GALNTL6: variants seen among roughly 807,000 people sequenced by gnomAD.
GALNTL6 encodes polypeptide N-acetylgalactosaminyltransferase like 6.
GALNTL6 carries 46 observed loss-of-function variants against 73.7 expected under a neutral mutation model. The observed-to-expected ratio is 0.62, with a 90% confidence interval of 0.49 to 0.80. The LOEUF (loss-of-function observed/expected upper bound fraction) is 0.80. Among genes scored for constraint, GALNTL6 ranks in the 30% least tolerant of loss-of-function variants. The pLI is 0.00. For missense variants in GALNTL6, 604 were observed against 755.0 expected, an observed-to-expected ratio of 0.80 and a Z score of 2.34; for synonymous variants, 259 against 263.7, an observed-to-expected ratio of 0.98 and a Z score of 0.17.
At chr4:172,145,200 C>T (rs1490646164) in intron 2 of GALNTL6, among the ~76,000 whole-genome samples, 1 of 151,888 alleles carries the variant, frequency 6.6e-6, no homozygotes, top group Admixed American at 6.6e-5. Context: ...AGTGCAGTGG[C>T]GAGATCTCTG....
chr4:171,838,532 GC>G (rs1469228754), intron 2 of GALNTL6, among the ~76,000 whole-genome samples: 1 of 152,092 alleles, frequency 6.6e-6, no homozygotes, highest in East Asian at 1.9e-4. Context: ...AGTGCCAAGA[GC>G]CTCATAGATA....
intron 2 of GALNTL6, chr4:171,815,965 T>C: frequency 6.6e-6 from 1 of 152,196 alleles, no homozygotes; most frequent in Admixed American, 6.5e-5. Flanking sequence ...TTTCATTTAG[T>C]TGTTAATATT....
intron 5 of GALNTL6, among the ~76,000 whole-genome samples, chr4:172,402,390 A>G (rs1037450352): frequency 6.6e-5 from 10 of 152,122 alleles, no homozygotes; most frequent in South Asian, 4.1e-4. Context: ...AAATCTCTCA[A>G]TGAGGTCAAT....
chr4:172,386,505 AAGAG>A (rs944170930), intron 5 of GALNTL6, among the ~76,000 whole-genome samples: 3 of 152,038 alleles, frequency 2.0e-5, no homozygotes, highest in African/African-American at 7.2e-5. Context: ...GAGAGCGAGA[AAGAG>A]AGAGAGAGGT....
intron 5 of GALNTL6, among the ~76,000 whole-genome samples, chr4:172,422,222 T>G (rs1731076358): frequency 6.6e-6 from 1 of 152,082 alleles, no homozygotes; most frequent in Admixed American, 6.6e-5. Context: ...GTCTCCAATT[T>G]CTCTTCTGGA....
chr4:172,053,838 A>G (rs1730946356), intron 2 of GALNTL6, among the ~76,000 whole-genome samples: 1 of 152,144 alleles, frequency 6.6e-6, no homozygotes, highest in Admixed American at 6.6e-5. Flanking sequence ...CGAAGGAGGC[A>G]AGACCTTTAA....
intron 5 of GALNTL6, among the ~76,000 whole-genome samples, chr4:172,606,871 T>C (rs1738325334): frequency 6.6e-6 from 1 of 151,396 alleles, no homozygotes; most frequent in South Asian, 2.1e-4. Flanking sequence ...GGAATTTACC[T>C]TGGTCAGCAG....
At position 171,867,698 on chromosome 4, in the gene GALNTL6, G is replaced by T. The variant is rs1361557516; in HGVS notation, c.138+52980G>T. ...ACTTCCCTGCTTAAAATTCCATGTG[G>T]ATCCAACAGATGTCTTCAGATGCAG... is the stretch of plus-strand genomic sequence containing the variant. On this transcript the variant is annotated intron_variant, in intron 2 of 12. Transcript: ENST00000506823. Among the ~76,000 whole-genome samples the T allele has an allele frequency of 2.0e-5, 3 of 152,120 alleles. No homozygotes were observed. In the East Asian group the frequency reaches 5.8e-4, roughly 29 times the overall value.
In GALNTL6 at chr4:172,016,569, G is replaced by T. The variant is rs777326464; in HGVS notation, c.138+201851G>T. Among the ~76,000 whole-genome samples the T allele has an allele frequency of 1.7e-4, 26 of 151,784 alleles. 1 individual carries two copies. The highest frequency in any genetic ancestry group is 3.9e-4 in the Admixed American group (6 of 15,226). ...AATAACCTTCTGAATTATTTATCTGGCAATTCAGAGATTTATTCTTCATTT... is the reference window on the plus strand; with the variant it reads ...AATAACCTTCTGAATTATTTATCTGTCAATTCAGAGATTTATTCTTCATTT... On this transcript the variant is annotated intron_variant, in intron 2 of 12. Coordinates refer to ENST00000506823, the MANE Select transcript of GALNTL6 (RefSeq NM_001034845.3).
chr4:172,381,926 A>G (rs1400292066), intron 5 of GALNTL6, among the ~76,000 whole-genome samples: 1 of 152,154 alleles, frequency 6.6e-6, no homozygotes, highest in African/African-American at 2.4e-5. Context: ...TAAAACCAGA[A>G]ATTTATGAGA....
At chr4:172,803,715 A>G (rs1740793680) in intron 5 of GALNTL6, among the ~76,000 whole-genome samples, 1 of 152,176 alleles carries the variant, frequency 6.6e-6, no homozygotes, top group African/African-American at 2.4e-5. Context: ...TTCTTTTTAT[A>G]TTAGCAAAAA....
intron 9 of GALNTL6, among the ~76,000 whole-genome samples, chr4:172,932,767 G>C (rs1345502560): frequency 2.6e-5 from 4 of 152,130 alleles, no homozygotes; most frequent in African/African-American, 9.7e-5. Flanking sequence ...ATAATTTTGT[G>C]CATGAAACCA....
chr4:172,616,324 T>G (rs928024722), intron 5 of GALNTL6, among the ~76,000 whole-genome samples: 1 of 152,104 alleles, frequency 6.6e-6, no homozygotes, highest in African/African-American at 2.4e-5. Context: ...TAACACCCCT[T>G]TTTTTGTCTT....
intron 3 of GALNTL6, among the ~76,000 whole-genome samples, chr4:172,289,374 C>A (rs904616788): frequency 2.0e-5 from 3 of 152,178 alleles, no homozygotes; most frequent in Non-Finnish European, 4.4e-5. Context: ...TTTCAGGGAT[C>A]AGCTCCTCCT....
intron 2 of GALNTL6, among the ~76,000 whole-genome samples, chr4:171,844,797 G>A (rs913955195): frequency 4.6e-5 from 7 of 152,140 alleles, no homozygotes; most frequent in East Asian, 1.9e-4. Flanking sequence ...CAGGAGGGGC[G>A]CTTTGTAAAG....
chr4:172,186,787 A>G (rs1239546631), intron 2 of GALNTL6, among the ~76,000 whole-genome samples: 1 of 152,104 alleles, frequency 6.6e-6, no homozygotes, highest in Non-Finnish European at 1.5e-5. Flanking sequence ...TTAAAAGAAT[A>G]TGGAGTAACT....
chr4:172,680,243 C>G (rs1172783300), intron 5 of GALNTL6, among the ~76,000 whole-genome samples: 3 of 151,856 alleles, frequency 2.0e-5, no homozygotes, highest in Non-Finnish European at 2.9e-5. Flanking sequence ...TTTTAAAAAA[C>G]TAGGTCATAG....
chr4:172,855,196 G>GAAA lies in GALNTL6; in HGVS notation c.924-27581_924-27579dup, dbSNP rs3087060. Among the ~76,000 whole-genome samples, 608 of 138,810 alleles carry GAAA rather than the reference G, an allele frequency of 4.4e-3. 5 individuals carry two copies. The highest frequency in any genetic ancestry group is 0.011 in the African/African-American group (428 of 37,682). 91.1% of individuals were successfully genotyped at this position (138,810 alleles called of 152,430 possible). On this transcript the variant is annotated intron_variant, in intron 7 of 12. Transcript: ENST00000506823. The stretch of plus-strand genomic sequence containing the variant: ...GTCAGGATCCTGAGAACTTTGAGGT[G>GAAA]AAAAAAAAAAAAAAAGAAACACACA...
At chr4:172,611,383 A>C (rs146615814) in intron 5 of GALNTL6, among the ~76,000 whole-genome samples, 2 of 152,156 alleles carry the variant, frequency 1.3e-5, no homozygotes, top group East Asian at 3.9e-4. Context: ...GAATACTCTT[A>C]CTATTTGCTT....
Sources: gnomAD v4.1 joint callset for allele counts (sites outside exome capture counted in the v4.1 genomes callset) on GRCh38, gnomAD v4.1.1 for gene constraint, MANE v1.5 for transcripts, NCBI Gene and HGNC (gene_info 2026-07-23, HGNC 2026-07-21) for gene names.